The following ST18 variants were observed in gnomAD, a reference collection of about 807,000 sequenced individuals.
ST18 encodes suppression of tumorigenicity 18 protein.
In ST18, 50 loss-of-function variants were observed where a neutral mutation model predicts 110.0. The ratio of observed to expected loss-of-function variants is 0.45; its 90% CI spans 0.36 to 0.58. ST18 has a LOEUF of 0.58. Ranked by LOEUF, ST18 falls within the 20% of genes least tolerant of loss-of-function variation. ST18 has a pLI of 0.00. For missense variants in ST18, 1,306 were observed against 1,280.1 expected (o/e 1.02, Z -0.31); for synonymous variants, 461 against 452.4 (o/e 1.02, Z -0.24).
intron 2 of ST18, among the ~76,000 whole-genome samples, chr8:52,311,065 G>C (rs1372086196): frequency 6.6e-6 from 1 of 152,310 alleles, no homozygotes; most frequent in Non-Finnish European, 1.5e-5. Flanking sequence ...AAAACTCCAA[G>C]ATCCTCTCCA....
chr8:52,261,785 C>T (rs1246689909), intron 2 of ST18, among the ~76,000 whole-genome samples: 1 of 152,146 alleles, frequency 6.6e-6, no homozygotes, highest in Non-Finnish European at 1.5e-5. Context: ...TTTAACATAT[C>T]CCAGGACCGA....
At chr8:52,239,436 T>C (rs933647042) in intron 2 of ST18, among the ~76,000 whole-genome samples, 1 of 152,148 alleles carries the variant, frequency 6.6e-6, no homozygotes, top group Admixed American at 6.5e-5. Flanking sequence ...GTTTTAAGAA[T>C]GATAGGCTGC....
intron 2 of ST18, among the ~76,000 whole-genome samples, chr8:52,362,320 T>A (rs1826059265): frequency 6.6e-6 from 1 of 152,180 alleles, no homozygotes; most frequent in African/African-American, 2.4e-5. Context: ...ATTTAGCAAT[T>A]TTGCCAGGAA....
intron 4 of ST18, among the ~76,000 whole-genome samples, chr8:52,221,084 T>C (rs2086474195): frequency 9.7e-6 from 1 of 102,882 alleles, no homozygotes. Flanking sequence ...AAACTACCTA[T>C]CTCTATCTAT....
chr8:52,112,752 C>A lies in ST18; in HGVS notation c.*446G>T, dbSNP rs2040896460. 1 of 153,030 alleles carries A rather than the reference C, an allele frequency of 6.5e-6. No homozygotes were observed. Among genetic ancestry groups the A allele is most frequent in the African/African-American group, 2.4e-5 (1 of 41,442 alleles). 9.5% of individuals were successfully genotyped at this position (153,030 alleles called of 1,614,324 possible). ...CCTTTCCTGTTTCCTCATTAAAACC[C>A]AGCAAGAAAGATGACTTGAGAATAG... On this transcript the variant is annotated 3_prime_UTR_variant, in exon 26 of 26. Transcript: ENST00000689386.
At chr8:52,222,224 T>C (rs2087064935) in intron 3 of ST18, 1 of 152,238 alleles carries the variant, frequency 6.6e-6, no homozygotes, top group Non-Finnish European at 1.5e-5. Flanking sequence ...CTGAGTTCCC[T>C]AATGTCAAAC....
intron 23 of ST18, among the ~76,000 whole-genome samples, chr8:52,125,660 AT>A (rs34904132): frequency 0.31 from 44,768 of 146,654 alleles, 9,623 homozygotes; most frequent in African/African-American, 0.62. Flanking sequence ...CTGGGCTAAT[AT>A]TTTTTTTTTT....
At chr8:52,344,593 G>C (rs1415134136) in intron 2 of ST18, among the ~76,000 whole-genome samples, 3 of 152,004 alleles carry the variant, frequency 2.0e-5, no homozygotes, top group Non-Finnish European at 2.9e-5. Context: ...TAGAGACAGA[G>C]TTTCACCATG....
chr8:52,175,182 G>A (rs972662951), intron 9 of ST18, among the ~76,000 whole-genome samples: 5 of 152,152 alleles, frequency 3.3e-5, no homozygotes, highest in African/African-American at 1.2e-4. Context: ...ACCCTGTGGA[G>A]GCCACACGGG....
chr8:52,187,584 A>G (rs2072829424), intron 8 of ST18, among the ~76,000 whole-genome samples: 1 of 152,230 alleles, frequency 6.6e-6, no homozygotes, highest in Non-Finnish European at 1.5e-5. Flanking sequence ...TTAGAATTAC[A>G]GTCCTCAACT....
chr8:52,232,007 G>C (rs1224114485), intron 2 of ST18, among the ~76,000 whole-genome samples: 1 of 152,158 alleles, frequency 6.6e-6, no homozygotes, highest in Non-Finnish European at 1.5e-5. Context: ...AGATGATGTT[G>C]GTGCTGATAA....
At chr8:52,223,378 T>C (rs2087742535) in intron 3 of ST18, among the ~76,000 whole-genome samples, 2 of 152,202 alleles carry the variant, frequency 1.3e-5, no homozygotes, top group Admixed American at 1.3e-4. Context: ...GTGTGGTGGC[T>C]CACGCCTGTA....
intron 8 of ST18, among the ~76,000 whole-genome samples, chr8:52,181,432 A>G (rs531831387): frequency 4.6e-5 from 7 of 152,362 alleles, no homozygotes; most frequent in African/African-American, 1.4e-4. Flanking sequence ...AGTAGGTTCA[A>G]AAACTTCCAA....
chr8:52,393,932 A>G (rs939126925), intron 2 of ST18: 5 of 151,580 alleles, frequency 3.3e-5, no homozygotes, highest in African/African-American at 1.2e-4. Flanking sequence ...AATGTTCTTT[A>G]TATAAGGCAC....
At chr8:52,338,574 C>T (rs112759058) in intron 2 of ST18, among the ~76,000 whole-genome samples, 60 of 150,620 alleles carry the variant, frequency 4.0e-4, no homozygotes, top group African/African-American at 1.4e-3. Flanking sequence ...CAGGCACAGG[C>T]CACCACCCCT....
intron 2 of ST18, among the ~76,000 whole-genome samples, chr8:52,289,311 T>A (rs570273131): frequency 6.6e-6 from 1 of 152,082 alleles, no homozygotes; most frequent in East Asian, 1.9e-4. Flanking sequence ...ATACAAAATA[T>A]TAGTCAGGGG....
At chr8:52,370,449 G>A (rs1383100483) in intron 2 of ST18, among the ~76,000 whole-genome samples, 1 of 151,532 alleles carries the variant, frequency 6.6e-6, no homozygotes, top group Non-Finnish European at 1.5e-5. Context: ...CAGGAGCAAA[G>A]AGCTGGAACT....
chr8:52,398,643 T>C (rs1841949212), intron 2 of ST18, among the ~76,000 whole-genome samples: 1 of 152,150 alleles, frequency 6.6e-6, no homozygotes, highest in Admixed American at 6.5e-5. Context: ...AATCCTGAAC[T>C]TTGTCAAATG....
chr8:52,169,725 C>T (rs1280149334), intron 10 of ST18, among the ~76,000 whole-genome samples: 1 of 152,150 alleles, frequency 6.6e-6, no homozygotes, highest in Non-Finnish European at 1.5e-5. Flanking sequence ...AAAGGGAATA[C>T]TCAGTTTGCA....
Sources: allele counts gnomAD v4.1 joint callset (sites outside exome capture counted in the v4.1 genomes callset), GRCh38; gene constraint gnomAD v4.1.1; transcripts MANE v1.5; gene names NCBI Gene and HGNC (gene_info 2026-07-23, HGNC 2026-07-21).